The following NFATC2 variants were observed in gnomAD, a reference collection of about 807,000 sequenced individuals.
The protein encoded by NFATC2 is nuclear factor of activated T cells 2.
A neutral mutation model predicts 87.3 loss-of-function variants in NFATC2; 22 were observed. The observed-to-expected ratio is 0.25, with a 90% CI of 0.18 to 0.36. The LOEUF (loss-of-function observed/expected upper bound fraction) is 0.36, where lower values mean the gene tolerates loss of function less well. NFATC2 is among the 10% of genes least tolerant of loss of function. NFATC2 has a pLI of 1.00. For missense variants in NFATC2, 1,149 were observed against 1,259.1 expected (o/e 0.91, Z 1.32); for synonymous variants, 565 against 542.2 (o/e 1.04, Z -0.58).
Position 51,523,380 on chromosome 20 carries a change from G to T in NFATC2, c.861C>A (p.Asp287Glu). 1.2e-6 allele frequency: 2 copies of T among 1,610,976 alleles called. No individual in the cohort carries two copies. The highest frequency in any genetic ancestry group is 1.7e-6 in the Non-Finnish European group (2 of 1,178,522). Residue 287 changes from aspartate (D) to glutamate (E), a missense_variant, in exon 2 of 11, where the codon GAC becomes GAA. By Grantham distance (45) the Asp-to-Glu change is conservative. Coordinates refer to ENST00000371564, the MANE Select transcript of NFATC2 (RefSeq NM_012340.5). The surrounding 1 kb of genome is among the most constrained non-coding windows in gnomAD (Gnocchi z 6.9). The stretch of plus-strand genomic sequence containing the variant: ...GGGGGTACCCAGCCGGGGAGCCGTG[G>T]TCCTGGGGTGCCACGTGAGATGAGG... ...PQPSSHVAPQDHGSPAGYPPV... is the reference protein window; with the variant it reads ...PQPSSHVAPQEHGSPAGYPPV...
chr20:51,389,900 T>C lies in NFATC2; in HGVS notation c.*1596A>G, dbSNP rs187589960. 2.2e-4 allele frequency: 34 copies of C among 152,274 alleles called. No homozygotes were observed. The highest frequency in any genetic ancestry group is 1.6e-3 in the Admixed American group (25 of 15,298). 9.4% of individuals were successfully genotyped at this position (152,274 alleles called of 1,614,324 possible). On this transcript the variant is annotated 3_prime_UTR_variant, in exon 11 of 11. Transcript: ENST00000371564. Reference sequence around the variant, plus strand: ...GACTGAGAAAACACTCTAAGTACAGTCTGAGTGCTAAGAATATTTTCACTT... The same window carrying C: ...GACTGAGAAAACACTCTAAGTACAGCCTGAGTGCTAAGAATATTTTCACTT...
chr20:51,537,869 T>C (rs1305575099), intron 1 of NFATC2, among the ~76,000 whole-genome samples: 1 of 152,204 alleles, frequency 6.6e-6, no homozygotes, highest in East Asian at 1.9e-4. Flanking sequence ...TGCACATCTC[T>C]AGTGAATACG....
intron 5 of NFATC2, among the ~76,000 whole-genome samples, chr20:51,464,987 C>T (rs975520484): frequency 4.6e-5 from 7 of 152,256 alleles, no homozygotes; most frequent in East Asian, 1.9e-4. Context: ...CATTTCTCTA[C>T]ACCTCTTCCC....
intron 3 of NFATC2, among the ~76,000 whole-genome samples, chr20:51,491,610 C>G (rs569341917): frequency 6.6e-6 from 1 of 152,212 alleles, no homozygotes; most frequent in East Asian, 1.9e-4. Flanking sequence ...GCTACCTCCG[C>G]CATGTGGATA....
intron 10 of NFATC2, among the ~76,000 whole-genome samples, chr20:51,396,064 A>G (rs1388316717): frequency 1.8e-4 from 3 of 17,046 alleles, no homozygotes; most frequent in Admixed American, 5.0e-4. Flanking sequence ...ATATATATAT[A>G]TATATATATA....
chr20:51,512,478 G>A (rs1444805457), intron 3 of NFATC2, among the ~76,000 whole-genome samples: 1 of 152,184 alleles, frequency 6.6e-6, no homozygotes, highest in Admixed American at 6.5e-5. Flanking sequence ...CACAGTGCCT[G>A]GCACATGGCA....
intron 1 of NFATC2, among the ~76,000 whole-genome samples, chr20:51,551,627 C>G (rs2076933442): frequency 6.9e-6 from 1 of 145,586 alleles, no homozygotes; most frequent in African/African-American, 2.6e-5. Flanking sequence ...CTAGGTTGGT[C>G]TCGAACTCCT....
chr20:51,561,483 GAAA>G (rs2077029728), intron 1 of NFATC2, among the ~76,000 whole-genome samples: 1 of 107,466 alleles, frequency 9.3e-6, no homozygotes, highest in African/African-American at 3.7e-5. Context: ...AAGAAAGAAA[GAAA>G]GCAAGCAAGC....
In NFATC2 at chr20:51,523,632, C is replaced by A; in HGVS notation, c.609G>T (p.Pro203=). The A allele has an allele frequency of 6.2e-7, 1 of 1,613,790 alleles. No homozygotes were observed. The highest frequency in any genetic ancestry group is 8.5e-7 in the Non-Finnish European group (1 of 1,179,832). The change falls in exon 2 of 11, where the codon CCG becomes CCT. Residue 203 remains proline (P), a synonymous_variant. Coordinates refer to ENST00000371564, the MANE Select transcript of NFATC2 (RefSeq NM_012340.5). The surrounding 1 kb of genome is among the most constrained non-coding windows in gnomAD (Gnocchi z 6.9). ...PNNGGPDDLC[P]QFQNIPAHYS... is the part of the protein sequence containing the mutation. The stretch of plus-strand genomic sequence containing the variant: ...AATGAGCAGGGATGTTTTGAAACTG[C>A]GGACACAGGTCGTCGGGCCCGCCGT...
chr20:51,429,508 T>C (rs770272302), intron 9 of NFATC2, among the ~76,000 whole-genome samples: 4 of 152,238 alleles, frequency 2.6e-5, no homozygotes, highest in Non-Finnish European at 5.9e-5. Flanking sequence ...TTGAGCTTCC[T>C]TTATGTTATT....
At chr20:51,486,731 T>C (rs1989740637) in intron 3 of NFATC2, among the ~76,000 whole-genome samples, 1 of 152,038 alleles carries the variant, frequency 6.6e-6, no homozygotes, top group Admixed American at 6.5e-5. Context: ...CCTATGTGGA[T>C]CCACATATTG....
At chr20:51,449,469 T>C (rs1985504386) in intron 6 of NFATC2, among the ~76,000 whole-genome samples, 1 of 152,178 alleles carries the variant, frequency 6.6e-6, no homozygotes, top group African/African-American at 2.4e-5. Flanking sequence ...GATTCTTCAG[T>C]TAGGCATGGA....
At chr20:51,403,622 AT>A (rs1356503347) in intron 9 of NFATC2, among the ~76,000 whole-genome samples, 5 of 152,304 alleles carry the variant, frequency 3.3e-5, no homozygotes, top group Middle Eastern at 3.4e-3. Flanking sequence ...TGGTGCAGTC[AT>A]GAAGGTGGGG....
upstream of NFATC2, chr20:51,562,801 G>C: frequency 1.7e-6 from 1 of 573,008 alleles, no homozygotes; most frequent in Middle Eastern, 2.9e-4. This position sits in a 1 kb window ranked among gnomAD's most constrained non-coding sequence, Gnocchi z 5.8. Context: ...CGGCGGAGTC[G>C]GCGCGGCTCC....
In NFATC2 at chr20:51,391,469, AGGGG is replaced by A; in HGVS notation, c.*45-22_*45-19del. The A allele has an allele frequency of 1.5e-5, 16 of 1,088,022 alleles. No individual in the cohort carries two copies. The highest frequency in any genetic ancestry group is 2.0e-5 in the Non-Finnish European group (15 of 743,968). 67.4% of individuals were successfully genotyped at this position (1,088,022 alleles called of 1,614,324 possible). On this transcript the variant is annotated intron_variant, in intron 10 of 10. Transcript: ENST00000371564. ...TTCATTAACTACAAAAGAAAAGAGG[AGGGG>A]GGGGGAGAGAGAATGGGGCAAGTGA...
intron 1 of NFATC2, among the ~76,000 whole-genome samples, chr20:51,540,949 A>C (rs2076807319): frequency 6.6e-6 from 1 of 152,066 alleles, no homozygotes; most frequent in Admixed American, 6.5e-5. Context: ...CAGATTCTTA[A>C]TTGTATCTTT....
intron 2 of NFATC2, among the ~76,000 whole-genome samples, chr20:51,521,369 A>G (rs981999873): frequency 1.3e-5 from 2 of 152,054 alleles, no homozygotes; most frequent in Non-Finnish European, 1.5e-5. Context: ...CACGAAGGCT[A>G]GAGTGCAGTG....
At chr20:51,468,105 C>A (rs1214708141) in intron 5 of NFATC2, among the ~76,000 whole-genome samples, 1 of 152,160 alleles carries the variant, frequency 6.6e-6, no homozygotes, top group Non-Finnish European at 1.5e-5. Context: ...AGTTCTAGAA[C>A]AGGGAAGATT....
chr20:51,465,746 G>A (rs1261663869), intron 5 of NFATC2, among the ~76,000 whole-genome samples: 1 of 151,894 alleles, frequency 6.6e-6, no homozygotes, highest in Non-Finnish European at 1.5e-5. Flanking sequence ...CCACCAACCC[G>A]TGGTCCTTGT....
Sources: allele counts gnomAD v4.1 joint callset (sites outside exome capture counted in the v4.1 genomes callset), GRCh38; gene constraint gnomAD v4.1.1; non-coding constraint Gnocchi (gnomAD v3.1); transcripts MANE v1.5; gene names NCBI Gene and HGNC (gene_info 2026-07-23, HGNC 2026-07-21).